ERC2: variants seen among roughly 807,000 people sequenced by gnomAD.
ERC2 encodes the protein ELKS/RAB6-interacting/CAST family member 2, also known as ERC protein 2.
Under a neutral mutation model 114.8 loss-of-function variants are expected in ERC2, and 42 were observed. The ratio of observed to expected loss-of-function variants is 0.37; its 90% CI spans 0.29 to 0.47. The LOEUF (loss-of-function observed/expected upper bound fraction) is 0.47. Among genes scored for constraint, ERC2 ranks in the 20% least tolerant of loss-of-function variants. The probability of loss-of-function intolerance (pLI) is 0.99; values close to 1 mark genes in which losing one functional copy is unlikely to be tolerated. For synonymous variants in ERC2, 454 were observed against 425.5 expected (o/e 1.07, Z -0.82); for missense variants, 939 against 1,150.7 (o/e 0.82, Z 2.66).
intron 2 of ERC2, among the ~76,000 whole-genome samples, chr3:56,381,357 C>T (rs958941317): frequency 5.9e-5 from 9 of 152,066 alleles, no homozygotes; most frequent in Non-Finnish European, 8.8e-5. Flanking sequence ...ACAAAATTCA[C>T]GCACACTCAG....
chr3:55,703,447 T>C (rs1289229364), intron 15 of ERC2, among the ~76,000 whole-genome samples: 2 of 152,232 alleles, frequency 1.3e-5, no homozygotes. Context: ...ACAACTTTCC[T>C]AAGCCCGCCT....
chr3:55,960,589 T>G (rs555888918), intron 12 of ERC2, among the ~76,000 whole-genome samples: 7 of 152,304 alleles, frequency 4.6e-5, no homozygotes, highest in Admixed American at 3.9e-4. Context: ...TTTATTTGCA[T>G]TTTGAATTCC....
At chr3:56,402,706 T>C (rs1281334453) in intron 2 of ERC2, among the ~76,000 whole-genome samples, 1 of 152,246 alleles carries the variant, frequency 6.6e-6, no homozygotes, top group Non-Finnish European at 1.5e-5. Flanking sequence ...CCTACACATA[T>C]TTTATTAGCA....
At chr3:55,983,026 C>A (rs1045698685) in intron 12 of ERC2, among the ~76,000 whole-genome samples, 4 of 152,220 alleles carry the variant, frequency 2.6e-5, no homozygotes, top group Admixed American at 6.5e-5. Context: ...GCACGCGGTC[C>A]ATCACCAACA....
chr3:55,854,627 T>C (rs948164738), intron 14 of ERC2, among the ~76,000 whole-genome samples: 1 of 152,156 alleles, frequency 6.6e-6, no homozygotes, highest in African/African-American at 2.4e-5. Context: ...CCTAAGGACC[T>C]GGCCTGTGGG....
chr3:55,986,644 T>C (rs2070659897), intron 11 of ERC2, among the ~76,000 whole-genome samples: 2 of 152,156 alleles, frequency 1.3e-5, no homozygotes, highest in African/African-American at 4.8e-5. Context: ...ACAGAGTAAC[T>C]TTCCAAGCTG....
intron 14 of ERC2, among the ~76,000 whole-genome samples, chr3:55,745,385 C>T (rs1366520980): frequency 6.6e-6 from 1 of 152,104 alleles, no homozygotes; most frequent in Non-Finnish European, 1.5e-5. Flanking sequence ...CAAAATCAAA[C>T]AAATTCAAAA....
At chr3:56,138,606 T>TC (rs1355884916) in intron 6 of ERC2, among the ~76,000 whole-genome samples, 1 of 151,912 alleles carries the variant, frequency 6.6e-6, no homozygotes, top group Non-Finnish European at 1.5e-5. Flanking sequence ...AATCCAAACC[T>TC]CCCCACAGAT....
At chr3:56,267,618 A>C (rs1164960444) in intron 3 of ERC2, among the ~76,000 whole-genome samples, 10 of 151,270 alleles carry the variant, frequency 6.6e-5, no homozygotes, top group Non-Finnish European at 1.3e-4. Flanking sequence ...AAAAATACAA[A>C]AAAAAAAAAA....
At chr3:56,213,104 G>A (rs947465221) in intron 3 of ERC2, among the ~76,000 whole-genome samples, 3 of 152,172 alleles carry the variant, frequency 2.0e-5, no homozygotes, top group Non-Finnish European at 4.4e-5. Flanking sequence ...CAGAAGACGG[G>A]TGGTTACTGC....
At chr3:56,242,838 T>A (rs1486828702) in intron 3 of ERC2, among the ~76,000 whole-genome samples, 1 of 152,186 alleles carries the variant, frequency 6.6e-6, no homozygotes, top group East Asian at 1.9e-4. Context: ...CAGCAGCACC[T>A]GGCACCAAGT....
chr3:55,550,825 G>T (rs138435880), intron 17 of ERC2, among the ~76,000 whole-genome samples: 9,692 of 152,034 alleles, frequency 0.064, 473 homozygotes, highest in African/African-American at 0.13. Context: ...GACCATCCTG[G>T]CTAACACGGT....
chr3:55,526,397 G>C (rs1222397550), intron 17 of ERC2, among the ~76,000 whole-genome samples: 1 of 152,196 alleles, frequency 6.6e-6, no homozygotes, highest in African/African-American at 2.4e-5. Flanking sequence ...ACTCCAGGCA[G>C]CCTTGGTGCT....
At chr3:55,641,348 G>A (rs143312740) in intron 17 of ERC2, among the ~76,000 whole-genome samples, 3 of 152,126 alleles carry the variant, frequency 2.0e-5, no homozygotes, top group East Asian at 1.9e-4. Flanking sequence ...TAAGGAGTTC[G>A]AGACCAGCCA....
intron 1 of ERC2, among the ~76,000 whole-genome samples, chr3:56,463,768 A>G (rs1048510097): frequency 2.0e-5 from 3 of 152,148 alleles, no homozygotes; most frequent in Non-Finnish European, 4.4e-5. Flanking sequence ...CCATTGCTCT[A>G]TCTGCATCTC....
At chr3:55,907,190 T>A (rs78418299) in intron 13 of ERC2, among the ~76,000 whole-genome samples, 2,990 of 152,332 alleles carry the variant, frequency 0.02, 46 homozygotes, top group Non-Finnish European at 0.031. Flanking sequence ...GCCGGATTTA[T>A]CAGTAGGCTA....
At chr3:55,685,836 C>T (rs1008328428) in intron 16 of ERC2, among the ~76,000 whole-genome samples, 76 of 152,196 alleles carry the variant, frequency 5.0e-4, no homozygotes, top group African/African-American at 1.7e-3. Context: ...TCCTAAATAG[C>T]TATAAAATAA....
At chr3:55,789,812 A>C (rs1014138939) in intron 14 of ERC2, among the ~76,000 whole-genome samples, 2 of 152,226 alleles carry the variant, frequency 1.3e-5, no homozygotes, top group Non-Finnish European at 2.9e-5. Context: ...GAAGAGTTCC[A>C]GAGCCATCAT....
chr3:55,582,424 C>G (rs1559690255), intron 17 of ERC2, among the ~76,000 whole-genome samples: 1 of 152,188 alleles, frequency 6.6e-6, no homozygotes, highest in Non-Finnish European at 1.5e-5. Flanking sequence ...CAAACAGTGT[C>G]AAGTATCTAT....
Sources: allele counts gnomAD v4.1 joint callset (sites outside exome capture counted in the v4.1 genomes callset), GRCh38; gene constraint gnomAD v4.1.1; transcripts MANE v1.5; gene names NCBI Gene and HGNC (gene_info 2026-07-23, HGNC 2026-07-21).